The following KCNQ1OT1 variants were observed in gnomAD, a reference collection of about 807,000 sequenced individuals.
KCNQ1OT1 encodes the protein KCNQ1 opposite strand/antisense transcript 1.
exon 1 of KCNQ1OT1, chr11:2,689,783 G>C (rs894064244): frequency 2.5e-6 from 1 of 398,714 alleles, no homozygotes; most frequent in Non-Finnish European, 4.4e-6. Flanking sequence ...CAGCCTAGGA[G>C]GGGAGGGGAA....
Position 2,679,980 on chromosome 11 carries a change from A to G in KCNQ1OT1, n.20015T>C, listed in dbSNP as rs1000191819. On this transcript the variant is annotated non_coding_transcript_exon_variant, in exon 1 of 1. Coordinates refer to ENST00000597346, the Ensembl canonical transcript of KCNQ1OT1. The surrounding 1 kb of genome is among the most constrained non-coding windows in gnomAD (Gnocchi z 4.8). ...ACAGTCTCGGCTTACTGCAACCTCT[A>G]CCTCCTGGGTTCAAGCAATTCTCCT... 1.5e-5 allele frequency: 6 copies of G among 396,434 alleles called. No individual in the cohort carries two copies. The highest frequency in any genetic ancestry group is 3.6e-5 in the East Asian group (1 of 28,022). The allele number at this position is 396,434 out of a possible 1,614,324, so 24.6% of individuals were successfully genotyped here.
At position 2,676,488 on chromosome 11, in the gene KCNQ1OT1, G is replaced by C. The variant is rs1414799104; in HGVS notation, n.23507C>G. On this transcript the variant is annotated non_coding_transcript_exon_variant, in exon 1 of 1. Coordinates refer to ENST00000597346, the Ensembl canonical transcript of KCNQ1OT1. The surrounding 1 kb of genome is among the most constrained non-coding windows in gnomAD (Gnocchi z 4.2). ...GTTAGCTGTAGTCTTTCTGGCATCA[G>C]TTCCATTTCTGGTGAACACTTGGAC... The C allele has an allele frequency of 2.5e-6, 1 of 398,584 alleles. No homozygotes were observed. Among genetic ancestry groups the C allele is most frequent in the Non-Finnish European group, 4.4e-6 (1 of 226,108 alleles). 24.7% of individuals were successfully genotyped at this position (398,584 alleles called of 1,614,324 possible).
Position 2,645,816 on chromosome 11 carries a change from G to T in KCNQ1OT1, n.54179C>A. 1 of 398,692 alleles carries T rather than the reference G, an allele frequency of 2.5e-6. No homozygotes were observed. Among genetic ancestry groups the T allele is most frequent in the South Asian group, 1.3e-4 (1 of 7,828 alleles). 24.7% of individuals were successfully genotyped at this position (398,692 alleles called of 1,614,324 possible). A position where few individuals can be genotyped will look rare whatever the true frequency, so the allele number is the denominator to read the frequency against. On this transcript the variant is annotated non_coding_transcript_exon_variant, in exon 1 of 1. Coordinates refer to ENST00000597346, the Ensembl canonical transcript of KCNQ1OT1. This position sits in a 1 kb window ranked among gnomAD's most constrained non-coding sequence, Gnocchi z 5.8. ...GGTGGGGGTTGGGCTATCAAAATGG[G>T]ACTTTCCTGAAGTTGCCTGAGGATT... is the stretch of plus-strand genomic sequence containing the variant.
Position 2,620,217 on chromosome 11 carries a change from T to TTTTA in KCNQ1OT1, n.79777_79778insTAAA. ...CATTCATGTATATATATATATTTTT[T>TTTTA]TTTTTTATTTTTTTTTTAGACGGAG... On this transcript the variant is annotated non_coding_transcript_exon_variant, in exon 1 of 1. Transcript: ENST00000597346. The surrounding 1 kb of genome is among the most constrained non-coding windows in gnomAD (Gnocchi z 4.5). 1 of 261,272 alleles carries TTTTA rather than the reference T, an allele frequency of 3.8e-6. No homozygotes were observed. Among genetic ancestry groups the TTTTA allele is most frequent in the African/African-American group, 2.4e-5 (1 of 40,912 alleles). 16.2% of individuals were successfully genotyped at this position (261,272 alleles called of 1,614,324 possible). A position where few individuals can be genotyped will look rare whatever the true frequency, so the allele number is the denominator to read the frequency against.
Position 2,676,646 on chromosome 11 carries a change from T to C in KCNQ1OT1, n.23349A>G, listed in dbSNP as rs1850300199. 2.5e-6 allele frequency: 1 copy of C among 398,530 alleles called. No homozygotes were observed. The highest frequency in any genetic ancestry group is 4.4e-6 in the Non-Finnish European group (1 of 226,088). 24.7% of individuals were successfully genotyped at this position (398,530 alleles called of 1,614,324 possible). On this transcript the variant is annotated non_coding_transcript_exon_variant, in exon 1 of 1. Coordinates refer to ENST00000597346, the Ensembl canonical transcript of KCNQ1OT1. This position sits in a 1 kb window ranked among gnomAD's most constrained non-coding sequence, Gnocchi z 4.2. ...GTAGCTTCACAGATTCACAGATAGATAGTTCATTAAGGTCTTGAGTATTTC... is the reference window on the plus strand; with the variant it reads ...GTAGCTTCACAGATTCACAGATAGACAGTTCATTAAGGTCTTGAGTATTTC...
exon 1 of KCNQ1OT1, chr11:2,655,952 G>A: frequency 7.5e-6 from 3 of 398,700 alleles, no homozygotes; most frequent in Non-Finnish European, 1.3e-5. Context: ...TCTCTGGCAG[G>A]TGCAGGTCCC....
Position 2,668,894 on chromosome 11 carries a change from A to G in KCNQ1OT1, n.31101T>C. 1 of 398,602 alleles carries G rather than the reference A, an allele frequency of 2.5e-6. No individual in the cohort carries two copies. Among genetic ancestry groups the G allele is most frequent in the Non-Finnish European group, 4.4e-6 (1 of 226,062 alleles). 24.7% of individuals were successfully genotyped at this position (398,602 alleles called of 1,614,324 possible). The stretch of plus-strand genomic sequence containing the variant: ...TTGACTACTCCAAGGTCATAAAGAT[A>G]TTCTGGTTTATTCTAAAGCTTTATT... On this transcript the variant is annotated non_coding_transcript_exon_variant, in exon 1 of 1. Coordinates refer to ENST00000597346, the Ensembl canonical transcript of KCNQ1OT1. This position sits in a 1 kb window ranked among gnomAD's most constrained non-coding sequence, Gnocchi z 4.3.
chr11:2,680,067 T>C lies in KCNQ1OT1; in HGVS notation n.19928A>G, dbSNP rs927067131. On this transcript the variant is annotated non_coding_transcript_exon_variant, in exon 1 of 1. Coordinates refer to ENST00000597346, the Ensembl canonical transcript of KCNQ1OT1. Reference sequence around the variant, plus strand: ...TGCCACCATGACTGGCTAATTTTTTTTTTTATTAGAGACAGGGTTTCACCA... The same window carrying C: ...TGCCACCATGACTGGCTAATTTTTTCTTTTATTAGAGACAGGGTTTCACCA... The C allele has an allele frequency of 1.2e-4, 46 of 396,246 alleles. No individual in the cohort carries two copies. The Middle Eastern group carries it at 1.9e-3, about 16-fold the overall frequency. 24.5% of individuals were successfully genotyped at this position (396,246 alleles called of 1,614,324 possible). A position where few individuals can be genotyped will look rare whatever the true frequency, so the allele number is the denominator to read the frequency against.
chr11:2,686,905 C>A (rs1185663210), exon 1 of KCNQ1OT1: 7 of 398,584 alleles, frequency 1.8e-5, no homozygotes, highest in Non-Finnish European at 3.1e-5. Flanking sequence ...ATAGAGGCAA[C>A]CCAATCCAGG....
Position 2,674,465 on chromosome 11 carries a change from G to C in KCNQ1OT1, n.25530C>G, listed in dbSNP as rs1590023673. ...GGGGAGGCACGTGGGGAGGAGGGCT[G>C]CCTGTCGAGATGTGTAAGATGGCCC... is the stretch of plus-strand genomic sequence containing the variant. On this transcript the variant is annotated non_coding_transcript_exon_variant, in exon 1 of 1. Transcript: ENST00000597346. The surrounding 1 kb of genome is among the most constrained non-coding windows in gnomAD (Gnocchi z 5.9). 6 of 398,692 alleles carry C rather than the reference G, an allele frequency of 1.5e-5. No homozygotes were observed. In the Admixed American group the frequency reaches 2.2e-4, roughly 15 times the overall value. The allele number at this position is 398,692 out of a possible 1,614,324, so 24.7% of individuals were successfully genotyped here.
chr11:2,611,012 T>C lies in KCNQ1OT1; in HGVS notation n.88983A>G, dbSNP rs1241920387. ...TGTTGAGTTGTCTATTATTGTTCAG[T>C]TGTCTGTTTCTCTCTTCATTTCTGA... On this transcript the variant is annotated non_coding_transcript_exon_variant, in exon 1 of 1. Coordinates refer to ENST00000597346, the Ensembl canonical transcript of KCNQ1OT1. The surrounding 1 kb of genome is among the most constrained non-coding windows in gnomAD (Gnocchi z 5.3). 2.5e-6 allele frequency: 1 copy of C among 398,488 alleles called. No homozygotes were observed. Among genetic ancestry groups the C allele is most frequent in the Middle Eastern group, 6.3e-4 (1 of 1,588 alleles). 24.7% of individuals were successfully genotyped at this position (398,488 alleles called of 1,614,324 possible).
rs539778382 is a variant in KCNQ1OT1 at position 2,653,380 on chromosome 11, T to C, written n.46615A>G. On this transcript the variant is annotated non_coding_transcript_exon_variant, in exon 1 of 1. Transcript: ENST00000597346. This position sits in a 1 kb window ranked among gnomAD's most constrained non-coding sequence, Gnocchi z 5.3. ...CCCCCAACTTTGTCATGCACATTCCTGAAGACTCTCTTGGTAACAAATGAT... is the reference window on the plus strand; with the variant it reads ...CCCCCAACTTTGTCATGCACATTCCCGAAGACTCTCTTGGTAACAAATGAT... 85 of 398,774 alleles carry C rather than the reference T, an allele frequency of 2.1e-4. No homozygotes were observed. The highest frequency in any genetic ancestry group is 2.9e-4 in the Non-Finnish European group (66 of 226,132). 24.7% of individuals were successfully genotyped at this position (398,774 alleles called of 1,614,324 possible).
In KCNQ1OT1 at chr11:2,667,067, C is replaced by T. The variant is rs150129625; in HGVS notation, n.32928G>A. 9.2e-4 allele frequency: 367 copies of T among 398,646 alleles called. 1 individual carries two copies. Among genetic ancestry groups the T allele is most frequent in the Non-Finnish European group, 1.4e-3 (317 of 226,104 alleles). 24.7% of individuals were successfully genotyped at this position (398,646 alleles called of 1,614,324 possible). ...CAGGCTCAAACCCGTCTCTGAAATGCACGGGGGGATTAAATGTTCTTCTAA... is the reference window on the plus strand; with the variant it reads ...CAGGCTCAAACCCGTCTCTGAAATGTACGGGGGGATTAAATGTTCTTCTAA... On this transcript the variant is annotated non_coding_transcript_exon_variant, in exon 1 of 1. Transcript: ENST00000597346.
chr11:2,645,204 CT>C lies in KCNQ1OT1; in HGVS notation n.54790del, dbSNP rs1420726891. ...GGATGGCTGGGATAAGCTGGATGAG[CT>C]TGTCCCAAGGCCCACAGGTGGCAAA... is the stretch of plus-strand genomic sequence containing the variant. On this transcript the variant is annotated non_coding_transcript_exon_variant, in exon 1 of 1. Coordinates refer to ENST00000597346, the Ensembl canonical transcript of KCNQ1OT1. This position sits in a 1 kb window ranked among gnomAD's most constrained non-coding sequence, Gnocchi z 5.8. 4 of 398,674 alleles carry C rather than the reference CT, an allele frequency of 1.0e-5. No individual in the cohort carries two copies. In the East Asian group the frequency reaches 1.4e-4, roughly 14 times the overall value. The allele number at this position is 398,674 out of a possible 1,614,324, so 24.7% of individuals were successfully genotyped here.
exon 1 of KCNQ1OT1, chr11:2,675,763 C>T (rs780734973): frequency 7.5e-6 from 3 of 398,704 alleles, no homozygotes; most frequent in Non-Finnish European, 8.8e-6. Context: ...AGACTCACAG[C>T]ACTGTGTGCG....
chr11:2,658,892 G>A lies in KCNQ1OT1; in HGVS notation n.41103C>T. 1 of 398,098 alleles carries A rather than the reference G, an allele frequency of 2.5e-6. No individual in the cohort carries two copies. Among genetic ancestry groups the A allele is most frequent in the East Asian group, 3.6e-5 (1 of 28,068 alleles). 24.7% of individuals were successfully genotyped at this position (398,098 alleles called of 1,614,324 possible). On this transcript the variant is annotated non_coding_transcript_exon_variant, in exon 1 of 1. Coordinates refer to ENST00000597346, the Ensembl canonical transcript of KCNQ1OT1. This position sits in a 1 kb window ranked among gnomAD's most constrained non-coding sequence, Gnocchi z 4.9. ...ATTTACTTATTTGTGTAACCCTATT[G>A]TACACGTAGTACCCTATGTGAAGCA...
exon 1 of KCNQ1OT1, chr11:2,686,667 G>T (rs1250409323): frequency 2.5e-6 from 1 of 398,488 alleles, no homozygotes; most frequent in Non-Finnish European, 4.4e-6. Flanking sequence ...TGGATCAAGT[G>T]TGGGTCCCAG....
At chr11:2,639,969 A>C (rs1849544726) in exon 1 of KCNQ1OT1, 1 of 153,960 alleles carries the variant, frequency 6.5e-6, no homozygotes, top group East Asian at 1.9e-4. Context: ...CTGTGCTAGC[A>C]ATGAGCGAGG....
exon 1 of KCNQ1OT1, chr11:2,697,705 T>A: frequency 2.5e-6 from 1 of 398,644 alleles, no homozygotes; most frequent in East Asian, 3.6e-5. Flanking sequence ...ATCTTTGCAT[T>A]CCTAAGAGCA....
Sources: gnomAD v4.1 joint callset for allele counts on GRCh38, gnomAD v4.1.1 for gene constraint, Gnocchi (gnomAD v3.1) non-coding constraint, MANE v1.5 for transcripts, NCBI Gene and HGNC (gene_info 2026-07-23, HGNC 2026-07-21) for gene names.